FBXW11: variants seen among roughly 807,000 people sequenced by gnomAD.
FBXW11 encodes F-box/WD repeat-containing protein 11.
In FBXW11, 19 loss-of-function variants were observed where a neutral mutation model predicts 77.6. The observed-to-expected ratio is 0.24, with a 90% CI of 0.17 to 0.36. The LOEUF (loss-of-function observed/expected upper bound fraction) is 0.36, where lower values mean the gene tolerates loss of function less well. Ranked by LOEUF, FBXW11 falls within the 10% of genes least tolerant of loss-of-function variation. FBXW11 has a pLI of 1.00. For missense variants in FBXW11, 334 were observed against 704.2 expected (o/e 0.47, Z 5.95); for synonymous variants, 235 against 249.4 (o/e 0.94, Z 0.54).
intron 1 of FBXW11, among the ~76,000 whole-genome samples, chr5:171,963,920 T>G (rs1764046557): frequency 6.6e-6 from 1 of 152,206 alleles, no homozygotes; most frequent in African/African-American, 2.4e-5. Context: ...ATTACGGATT[T>G]TGTTAAAGAC....
chr5:171,890,487 CA>C (rs5873290), intron 7 of FBXW11, among the ~76,000 whole-genome samples: 10 of 126,472 alleles, frequency 7.9e-5, no homozygotes, highest in Non-Finnish European at 6.4e-5. Context: ...GACTCCGTCT[CA>C]AAAAAAAAAA....
chr5:171,996,343 A>T (rs1766045375), intron 1 of FBXW11, among the ~76,000 whole-genome samples: 1 of 152,186 alleles, frequency 6.6e-6, no homozygotes. Flanking sequence ...TTCCTATTAG[A>T]CTATGAATAA....
In FBXW11 at chr5:171,901,568, C is replaced by T. The variant is rs376027042; in HGVS notation, c.437-1468G>A. Among the ~76,000 whole-genome samples the T allele has an allele frequency of 2.1e-4, 32 of 152,282 alleles. No homozygotes were observed. In the South Asian group the frequency reaches 6.4e-3, roughly 31 times the overall value. On this transcript the variant is annotated intron_variant, in intron 4 of 13. Transcript: ENST00000517395. Reference sequence around the variant, plus strand: ...CCAAGCTATGGTCTAAGAATAAAGACTACACTGGGACCACTGTCCTTTCCT... The same window carrying T: ...CCAAGCTATGGTCTAAGAATAAAGATTACACTGGGACCACTGTCCTTTCCT...
In FBXW11 at chr5:171,876,235, G is replaced by C; in HGVS notation, c.1221+50C>G. The C allele has an allele frequency of 6.2e-7, 1 of 1,605,438 alleles. No homozygotes were observed. Among genetic ancestry groups the C allele is most frequent in the Non-Finnish European group, 8.5e-7 (1 of 1,174,756 alleles). On this transcript the variant is annotated intron_variant, in intron 9 of 13. Transcript: ENST00000517395. This position sits in a 1 kb window ranked among gnomAD's most constrained non-coding sequence, Gnocchi z 4.2. ...TATAAGCCACCTCTGCTTTGTCTCT[G>C]TTCTAAAAGGGACAGGAACAGGTAG...
chr5:171,934,621 G>A (rs898297111), intron 2 of FBXW11, among the ~76,000 whole-genome samples: 5 of 149,630 alleles, frequency 3.3e-5, no homozygotes, highest in East Asian at 2.0e-4. Flanking sequence ...AGGTTGCAGC[G>A]AGCCAAGATA....
chr5:171,898,401 A>G (rs1407682631), intron 6 of FBXW11, among the ~76,000 whole-genome samples: 1 of 152,214 alleles, frequency 6.6e-6, no homozygotes, highest in Non-Finnish European at 1.5e-5. Context: ...TCAAGGAAAA[A>G]GGCTAAAATA....
chr5:171,866,184 G>A (rs1312329066), intron 13 of FBXW11, among the ~76,000 whole-genome samples: 3 of 151,812 alleles, frequency 2.0e-5, no homozygotes, highest in Non-Finnish European at 2.9e-5. Context: ...AGGATCACCC[G>A]AGCCTGGGAG....
chr5:171,941,050 T>A (rs1304801638), intron 2 of FBXW11, among the ~76,000 whole-genome samples: 3 of 152,064 alleles, frequency 2.0e-5, no homozygotes, highest in African/African-American at 7.2e-5. Flanking sequence ...AAACTGAAAT[T>A]CTGATGAAAA....
At chr5:171,929,394 A>G (rs1013082409) in intron 2 of FBXW11, among the ~76,000 whole-genome samples, 1 of 152,094 alleles carries the variant, frequency 6.6e-6, no homozygotes, top group Non-Finnish European at 1.5e-5. Flanking sequence ...TAAACCAATC[A>G]ATAATTTAAA....
At position 172,006,603 on chromosome 5, in the gene FBXW11, A is replaced by C; in HGVS notation, c.-101T>G. ...CGGCAGAGGCGGAGGCGGCTATCGC[A>C]CCCACTCTAGCTGCCAGCCCGCCCG... On this transcript the variant is annotated 5_prime_UTR_variant, in exon 1 of 14. Transcript: ENST00000517395. 7.3e-7 allele frequency: 1 copy of C among 1,360,772 alleles called. No individual in the cohort carries two copies. Among genetic ancestry groups the C allele is most frequent in the Non-Finnish European group, 9.5e-7 (1 of 1,056,358 alleles). The allele number at this position is 1,360,772 out of a possible 1,614,324, so 84.3% of individuals were successfully genotyped here. A position where few individuals can be genotyped will look rare whatever the true frequency, so the allele number is the denominator to read the frequency against.
At chr5:172,000,227 C>T (rs956711934) in intron 1 of FBXW11, among the ~76,000 whole-genome samples, 20 of 152,196 alleles carry the variant, frequency 1.3e-4, no homozygotes, top group Admixed American at 1.3e-4. Flanking sequence ...TTAAAACCAT[C>T]AGCTTTGATG....
At chr5:171,944,276 A>T (rs1561707984) in intron 2 of FBXW11, among the ~76,000 whole-genome samples, 2 of 151,906 alleles carry the variant, frequency 1.3e-5, no homozygotes, top group Admixed American at 6.6e-5. Flanking sequence ...ACATATGCAT[A>T]GATTTAAAAG....
intron 2 of FBXW11, 56 bp from the exon 3 acceptor site, chr5:171,914,461 A>G: frequency 7.0e-7 from 1 of 1,424,724 alleles, no homozygotes; most frequent in Non-Finnish European, 9.5e-7. Flanking sequence ...AATCCTAAAT[A>G]ACTACAATAA....
intron 5 of FBXW11, 117 bp downstream of exon 5, chr5:171,899,797 T>G: frequency 1.1e-6 from 1 of 897,110 alleles, no homozygotes; most frequent in Non-Finnish European, 1.7e-6. Flanking sequence ...CCACTCATTT[T>G]CCCCCCTTTT....
chr5:171,895,721 T>C (rs1208077663), intron 6 of FBXW11, among the ~76,000 whole-genome samples: 1 of 152,202 alleles, frequency 6.6e-6, no homozygotes, highest in Non-Finnish European at 1.5e-5. Flanking sequence ...AGCATGGGCT[T>C]TGAAGTAAGA....
intron 1 of FBXW11, among the ~76,000 whole-genome samples, chr5:171,979,374 G>A (rs556183996): frequency 6.6e-6 from 1 of 152,252 alleles, no homozygotes; most frequent in East Asian, 1.9e-4. Context: ...TATATGTATA[G>A]ATGAAGGAAG....
intron 1 of FBXW11, among the ~76,000 whole-genome samples, chr5:171,970,845 G>A (rs17051972): frequency 0.027 from 4,075 of 152,182 alleles, 171 homozygotes; most frequent in African/African-American, 0.093. Flanking sequence ...GCTGACCTTG[G>A]TTTCAAATAA....
At chr5:171,923,653 A>C (rs989464375) in intron 2 of FBXW11, among the ~76,000 whole-genome samples, 3 of 152,150 alleles carry the variant, frequency 2.0e-5, no homozygotes, top group African/African-American at 7.2e-5. Flanking sequence ...AATTTAAGGG[A>C]TAACCAGCAT....
intron 6 of FBXW11, among the ~76,000 whole-genome samples, chr5:171,898,191 C>T (rs1220932499): frequency 6.6e-6 from 1 of 152,112 alleles, no homozygotes; most frequent in African/African-American, 2.4e-5. Context: ...TGAATTTTGG[C>T]ACAATAACTT....
Sources: allele counts gnomAD v4.1 joint callset (sites outside exome capture counted in the v4.1 genomes callset), GRCh38; gene constraint gnomAD v4.1.1; non-coding constraint Gnocchi (gnomAD v3.1); transcripts MANE v1.5; gene names NCBI Gene and HGNC (gene_info 2026-07-23, HGNC 2026-07-21).